GNAT3: variants seen among roughly 807,000 people sequenced by gnomAD.
The protein encoded by GNAT3 is G protein subunit alpha transducin 3, also known as guanine nucleotide-binding protein G(t) subunit alpha-3.
In GNAT3, 31 loss-of-function variants were observed where a neutral mutation model predicts 37.7. The observed-to-expected ratio is 0.82, with a 90% CI of 0.62 to 1.11. The LOEUF (loss-of-function observed/expected upper bound fraction) is 1.11, where lower values mean the gene tolerates loss of function less well. Ranked by LOEUF, GNAT3 falls within the 50% of genes most tolerant of loss-of-function variation. The probability of loss-of-function intolerance (pLI) is 0.00; values close to 1 mark genes in which losing one functional copy is unlikely to be tolerated. For missense variants in GNAT3, 437 were observed against 412.5 expected (o/e 1.06, Z -0.51); for synonymous variants, 138 against 139.8 (o/e 0.99, Z 0.09).
chr7:80,502,261 T>C (rs375374700), intron 1 of GNAT3, among the ~76,000 whole-genome samples: 3 of 152,138 alleles, frequency 2.0e-5, no homozygotes, highest in African/African-American at 7.2e-5. Context: ...ATTAAATATG[T>C]ATAGCTTTTG....
At position 80,485,422 on chromosome 7, in the gene GNAT3, A is replaced by G. The variant is rs917528976; in HGVS notation, c.303+3113T>C. ...ACTTACAAACTCATTCCAAAACCAA[A>G]CTAATTAGTTCTTTTCCATCCTCAT... On this transcript the variant is annotated intron_variant, in intron 3 of 7. Coordinates refer to ENST00000398291, the MANE Select transcript of GNAT3 (RefSeq NM_001102386.3). Among the ~76,000 whole-genome samples the G allele has an allele frequency of 2.6e-5, 4 of 152,076 alleles. No homozygotes were observed. In the East Asian group the frequency reaches 7.7e-4, roughly 29 times the overall value.
intron 1 of GNAT3, among the ~76,000 whole-genome samples, chr7:80,508,586 T>C (rs181183962): frequency 5.5e-4 from 84 of 152,072 alleles, no homozygotes; most frequent in Non-Finnish European, 9.9e-4. Flanking sequence ...AGTTATCAAA[T>C]GTGCTCAGCA....
In GNAT3 at chr7:80,485,326, C is replaced by G. The variant is rs114387672; in HGVS notation, c.303+3209G>C. Among the ~76,000 whole-genome samples, 1,108 of 152,170 alleles carry G rather than the reference C, an allele frequency of 7.3e-3. 13 individuals carry two copies. Among genetic ancestry groups the G allele is most frequent in the African/African-American group, 0.025 (1,058 of 41,532 alleles). ...GCCAATAACACCTAGATTTAGATCTCTAGACAAAGTGTCCATTTTGGGCTT... is the reference window on the plus strand; with the variant it reads ...GCCAATAACACCTAGATTTAGATCTGTAGACAAAGTGTCCATTTTGGGCTT... On this transcript the variant is annotated intron_variant, in intron 3 of 7. Coordinates refer to ENST00000398291, the MANE Select transcript of GNAT3 (RefSeq NM_001102386.3).
chr7:80,462,063 C>T, intron 7 of GNAT3, 96 bp downstream of exon 7: 1 of 772,680 alleles, frequency 1.3e-6, no homozygotes, highest in Non-Finnish European at 2.0e-6. Flanking sequence ...TGATCATAAG[C>T]CTCATCCTCA....
intron 1 of GNAT3, among the ~76,000 whole-genome samples, chr7:80,495,990 C>T (rs191701050): frequency 6.2e-4 from 95 of 152,190 alleles, no homozygotes; most frequent in African/African-American, 2.0e-3. Context: ...TGTTTTCTCC[C>T]ATTCTTTAGA....
chr7:80,458,681 C>A lies in GNAT3; in HGVS notation c.1055G>T (p.Gly352Val). Residue 352 changes from glycine (G) to valine (V), a missense_variant, in exon 8 of 8, where the codon GGG (glycine) becomes GTG (valine). Physicochemically the swap from Gly to Val is moderately radical, Grantham distance 109 (BLOSUM62 -3). Transcript: ENST00000398291. ...AGAGAAAATAGTTGATTAGAAAAGC[C>A]CACAGTCTTTTAGATTCTCTTTGAT... The part of the protein sequence containing the change: ...IIIKENLKDC[G>V]LF The A allele has an allele frequency of 6.5e-7, 1 of 1,544,840 alleles. No homozygotes were observed. Among genetic ancestry groups the A allele is most frequent in the East Asian group, 2.3e-5 (1 of 43,182 alleles).
Position 80,478,999 on chromosome 7 carries a change from C to A in GNAT3, c.304-1G>T. The A allele has an allele frequency of 6.3e-7, 1 of 1,587,504 alleles. No homozygotes were observed. Among genetic ancestry groups the A allele is most frequent in the Non-Finnish European group, 8.6e-7 (1 of 1,167,082 alleles). On this transcript the variant is annotated splice_acceptor_variant, in intron 3 of 7. Coordinates refer to ENST00000398291, the MANE Select transcript of GNAT3 (RefSeq NM_001102386.3). LOFTEE classifies it high-confidence loss of function. ...TTGCATAAAGTTGTCGTTGGTCCTC[C>A]TAGAACAATATTTTGGTGAGAATAA...
At chr7:80,483,549 A>G (rs1365914000) in intron 3 of GNAT3, among the ~76,000 whole-genome samples, 2 of 152,192 alleles carry the variant, frequency 1.3e-5, no homozygotes, top group East Asian at 3.9e-4. Context: ...CTCAAAACTC[A>G]ACATAAAACC....
chr7:80,475,185 A>T (rs1393405687), intron 4 of GNAT3, among the ~76,000 whole-genome samples: 1 of 152,018 alleles, frequency 6.6e-6, no homozygotes, highest in Non-Finnish European at 1.5e-5. Context: ...TATATTAAAA[A>T]TTGTTAGTAT....
chr7:80,463,043 C>G (rs902658344), intron 5 of GNAT3, among the ~76,000 whole-genome samples: 1 of 152,104 alleles, frequency 6.6e-6, no homozygotes, highest in Non-Finnish European at 1.5e-5. Context: ...TTAAGTCTTT[C>G]TACATTCATT....
At chr7:80,488,015 T>A (rs894808714) in intron 3 of GNAT3, among the ~76,000 whole-genome samples, 17 of 152,180 alleles carry the variant, frequency 1.1e-4, no homozygotes, top group Non-Finnish European at 2.5e-4. Context: ...TATGACTACT[T>A]GAATATACTT....
At position 80,473,424 on chromosome 7, in the gene GNAT3, C is replaced by T. The variant is rs551876109; in HGVS notation, c.590+827G>A. On this transcript the variant is annotated intron_variant, in intron 5 of 7. Transcript: ENST00000398291. ...TTAATTACCATTTTCTTTTTCCTCA[C>T]GAATGGATATGAATAATTCATGCCA... is the stretch of plus-strand genomic sequence containing the variant. Among the ~76,000 whole-genome samples, 15 of 152,098 alleles carry T rather than the reference C, an allele frequency of 9.9e-5. No individual in the cohort carries two copies. In the East Asian group the frequency reaches 1.5e-3, roughly 16 times the overall value.
At chr7:80,462,910 T>C (rs535223909) in intron 5 of GNAT3, among the ~76,000 whole-genome samples, 1 of 152,306 alleles carries the variant, frequency 6.6e-6, no homozygotes, top group Non-Finnish European at 1.5e-5. Flanking sequence ...AGAGTTTTGG[T>C]AAAACATTCA....
intron 1 of GNAT3, among the ~76,000 whole-genome samples, chr7:80,504,271 G>T (rs544869044): frequency 6.6e-6 from 1 of 152,112 alleles, no homozygotes; most frequent in Non-Finnish European, 1.5e-5. Context: ...AGACGTAATT[G>T]CACCACTGCA....
chr7:80,481,840 A>G (rs1790396553), intron 3 of GNAT3, among the ~76,000 whole-genome samples: 1 of 152,162 alleles, frequency 6.6e-6, no homozygotes. Context: ...TACTGATTCT[A>G]GGCCTTTAGA....
At chr7:80,472,428 G>A (rs901013618) in intron 5 of GNAT3, among the ~76,000 whole-genome samples, 11 of 152,094 alleles carry the variant, frequency 7.2e-5, no homozygotes, top group Non-Finnish European at 1.3e-4. Context: ...TAGATAAGAT[G>A]GTTATGCCTC....
Position 80,511,838 on chromosome 7 carries a change from T to A in GNAT3, c.89A>T (p.Asp30Val). The change falls in exon 1 of 8, where the codon GAT (aspartate) becomes GTT (valine). Residue 30 changes from aspartate (D) to valine (V), a missense_variant. By Grantham distance (152) the Asp-to-Val change is radical. Transcript: ENST00000398291. ...TAGTAGCAGCTTTACGGTTCTTGCA[T>A]CTCGCTCAGCATCCTCCTGAAGCTT... ...EKKLQEDAER[D>V]ARTVKLLLLG... is the part of the protein sequence containing the mutation. The A allele has an allele frequency of 2.5e-6, 4 of 1,611,826 alleles. No individual in the cohort carries two copies. The highest frequency in any genetic ancestry group is 3.4e-6 in the Non-Finnish European group (4 of 1,178,564).
intron 1 of GNAT3, among the ~76,000 whole-genome samples, chr7:80,495,452 A>C (rs979211718): frequency 9.4e-5 from 14 of 149,086 alleles, no homozygotes; most frequent in African/African-American, 3.5e-4. Flanking sequence ...CTCTCACTGT[A>C]GTTTTTTTTT....
intron 7 of GNAT3, among the ~76,000 whole-genome samples, chr7:80,460,688 C>A (rs535963717): frequency 4.0e-5 from 6 of 151,744 alleles, no homozygotes; most frequent in South Asian, 2.1e-4. Context: ...GCAGATGTAG[C>A]AGGGAGCTGA....
Sources: allele counts gnomAD v4.1 joint callset (sites outside exome capture counted in the v4.1 genomes callset), GRCh38; gene constraint gnomAD v4.1.1; transcripts MANE v1.5; gene names NCBI Gene and HGNC (gene_info 2026-07-23, HGNC 2026-07-21).